HOXB3: variants seen among roughly 807,000 people sequenced by gnomAD.
The protein encoded by HOXB3 is homeobox protein Hox-B3.
In HOXB3, 17 loss-of-function variants were observed where a neutral mutation model predicts 29.2. The observed-to-expected ratio is 0.58, with a 90% CI of 0.40 to 0.87. The LOEUF is 0.87. Ranked by LOEUF, HOXB3 falls within the 40% of genes least tolerant of loss-of-function variation. HOXB3 has a pLI of 0.00. For synonymous variants in HOXB3, 317 were observed against 285.9 expected (o/e 1.11, Z -1.10); for missense variants, 637 against 616.3 (o/e 1.03, Z -0.35).
intron 1 of HOXB3, among the ~76,000 whole-genome samples, chr17:48,574,817 C>T (rs2069708891): frequency 1.3e-5 from 2 of 152,152 alleles, no homozygotes; most frequent in African/African-American, 2.4e-5. Context: ...GTCATACTTT[C>T]GATACTTTCT....
intron 2 of HOXB3, among the ~76,000 whole-genome samples, chr17:48,558,940 T>TGA (rs139226124): frequency 5.5e-4 from 82 of 148,880 alleles, no homozygotes; most frequent in Middle Eastern, 7.0e-3. Context: ...TGTGTGTGTG[T>TGA]GAGAGAGAGA....
At chr17:48,558,361 T>C (rs1038204764) in intron 2 of HOXB3, among the ~76,000 whole-genome samples, 5 of 151,482 alleles carry the variant, frequency 3.3e-5, no homozygotes, top group Admixed American at 1.3e-4. Flanking sequence ...TGGGGCATAG[T>C]GGGGTGGGAG....
chr17:48,550,998 C>G lies in HOXB3; in HGVS notation c.632G>C (p.Arg211Pro). 6.2e-7 allele frequency: 1 copy of G among 1,613,178 alleles called. No homozygotes were observed. Among genetic ancestry groups the G allele is most frequent in the Non-Finnish European group, 8.5e-7 (1 of 1,179,424 alleles). The change falls in exon 5 of 5, where the codon CGC becomes CCC. Residue 211 changes from arginine to proline, a missense_variant. Arg to Pro is a moderately radical substitution (Grantham distance 103). Transcript: ENST00000498678. ...TACACGGCGAGGCCGGCACAGGTAG[C>G]GGTTAAAATGGAACTCCTTCTCCAG... Reference protein sequence around the residue: ...VELEKEFHFNRYLCRPRRVEM... With the variant: ...VELEKEFHFNPYLCRPRRVEM...
Position 48,552,480 on chromosome 17 carries a change from GGTGAGGCCTGGGCA to G in HOXB3, c.-20_-7del. ...TAGTAGGTGGCTTTCTGCATCGCTG[GGTGAGGCCTGGGCA>G]GTGGGTGGCAACTTGGAAAGGCCTG... On this transcript the variant is annotated 5_prime_UTR_variant, in exon 4 of 5. Transcript: ENST00000498678. The G allele has an allele frequency of 6.4e-7, 1 of 1,560,244 alleles. No individual in the cohort carries two copies.
intron 1 of HOXB3, among the ~76,000 whole-genome samples, chr17:48,586,499 C>T (rs11658253): frequency 0.035 from 5,295 of 152,266 alleles, 149 homozygotes; most frequent in Non-Finnish European, 0.053. Flanking sequence ...CGGCTCGGAG[C>T]CCCACGTAGG....
intron 2 of HOXB3, among the ~76,000 whole-genome samples, chr17:48,570,943 TAGAG>T (rs748539904): frequency 1.7e-4 from 26 of 151,524 alleles, no homozygotes; most frequent in East Asian, 9.7e-4. Context: ...AAAATGAAAA[TAGAG>T]AGAGAGCAGA....
chr17:48,576,958 C>A, intron 1 of HOXB3: 1 of 1,613,966 alleles, frequency 6.2e-7, no homozygotes, highest in South Asian at 1.1e-5. Context: ...AGCTCCAAGA[C>A]CTGCTGGCGC....
At chr17:48,555,274 A>G (rs2068918421) in intron 3 of HOXB3, 4 of 541,742 alleles carry the variant, frequency 7.4e-6, no homozygotes, top group East Asian at 6.5e-5. Flanking sequence ...CTGGCTGCTG[A>G]AAGAAAAGAG....
intron 1 of HOXB3, among the ~76,000 whole-genome samples, chr17:48,584,280 G>A (rs1040485367): frequency 6.6e-6 from 1 of 152,230 alleles, no homozygotes; most frequent in Non-Finnish European, 1.5e-5. Flanking sequence ...TGGAGGCTTG[G>A]GAGAGAGTGA....
At chr17:48,577,025 A>T in intron 1 of HOXB3, 1 of 1,591,936 alleles carries the variant, frequency 6.3e-7, no homozygotes, top group Non-Finnish European at 8.6e-7. Flanking sequence ...GGTTTACTGG[A>T]CACACACGGA....
At chr17:48,577,850 C>A in intron 1 of HOXB3, 1 of 1,400,272 alleles carries the variant, frequency 7.1e-7, no homozygotes, top group Non-Finnish European at 9.3e-7. Context: ...GGAAGGGGTG[C>A]CCACGCACTC....
At position 48,550,579 on chromosome 17, in the gene HOXB3, C is replaced by G. The variant is rs746464682; in HGVS notation, c.1051G>C (p.Val351Leu). The G allele has an allele frequency of 4.6e-6, 7 of 1,528,538 alleles. No individual in the cohort carries two copies. In the South Asian group the frequency reaches 7.8e-5, roughly 17 times the overall value. The allele number at this position is 1,528,538 out of a possible 1,614,324, so 94.7% of individuals were successfully genotyped here. A position where few individuals can be genotyped will look rare whatever the true frequency, so the allele number is the denominator to read the frequency against. ...GCGTAGCCGCCCCCGCCCACGTACA[C>G]CGGACTGCCCTGCATGGTGGGCGTC... ...YGTPTMQGSP[V>L]YVGGGGYADP... Residue 351 changes from valine (V) to leucine (L), a missense_variant, in exon 5 of 5, where the codon GTG becomes CTG. Val to Leu is a conservative substitution (Grantham distance 32, BLOSUM62 1). Coordinates refer to ENST00000498678, the MANE Select transcript of HOXB3 (RefSeq NM_001384749.1).
chr17:48,577,763 T>C (rs2069812355), intron 1 of HOXB3: 1 of 1,091,480 alleles, frequency 9.2e-7, no homozygotes, highest in Non-Finnish European at 1.2e-6. Context: ...GCGGGGACAA[T>C]TGGCTTCCCC....
At chr17:48,577,118 C>T in intron 1 of HOXB3, 2 of 1,177,448 alleles carry the variant, frequency 1.7e-6, no homozygotes, top group Non-Finnish European at 2.4e-6. Flanking sequence ...CTCCCTCCCT[C>T]TCCCGCCACC....
intron 1 of HOXB3, chr17:48,579,870 C>T (rs749109017): frequency 1.3e-5 from 7 of 520,572 alleles, no homozygotes; most frequent in Non-Finnish European, 2.4e-5. Context: ...TACATATTCC[C>T]CTAGATACGA....
chr17:48,578,336 C>G, intron 1 of HOXB3: 1 of 1,600,304 alleles, frequency 6.2e-7, no homozygotes, highest in Non-Finnish European at 8.5e-7. Context: ...CTGGGAATTG[C>G]CCACAAAATA....
At chr17:48,570,238 A>C (rs770465874) in intron 2 of HOXB3, among the ~76,000 whole-genome samples, 36 of 152,184 alleles carry the variant, frequency 2.4e-4, no homozygotes, top group Non-Finnish European at 3.5e-4. Flanking sequence ...GGGACTATCT[A>C]TTCCCCAGGC....
intron 1 of HOXB3, among the ~76,000 whole-genome samples, chr17:48,588,886 T>C (rs2070095109): frequency 6.6e-6 from 1 of 152,182 alleles, no homozygotes; most frequent in African/African-American, 2.4e-5. Context: ...GGGAGTCTTA[T>C]GACCCCATCC....
At position 48,551,104 on chromosome 17, in the gene HOXB3, C is replaced by A; in HGVS notation, c.526G>T (p.Gly176Trp). Residue 176 changes from glycine to tryptophan, a missense_variant, in exon 5 of 5, where the codon GGG becomes TGG. Physicochemically the swap from Gly to Trp is radical, Grantham distance 184. Coordinates refer to ENST00000498678, the MANE Select transcript of HOXB3 (RefSeq NM_001384749.1). Reference protein sequence around the residue: ...GGSGGGGGGGGGGDKSPPGSA... With the variant: ...GGSGGGGGGGWGGDKSPPGSA... ...CCCGGGGGGCTCTTGTCCCCTCCCC[C>A]GCCGCCGCCGCCACCGCCCCCGCTG... 7.4e-7 allele frequency: 1 copy of A among 1,353,806 alleles called. No individual in the cohort carries two copies. The highest frequency in any genetic ancestry group is 9.5e-7 in the Non-Finnish European group (1 of 1,049,614). The allele number at this position is 1,353,806 out of a possible 1,614,324, so 83.9% of individuals were successfully genotyped here.
Sources: allele counts gnomAD v4.1 joint callset (sites outside exome capture counted in the v4.1 genomes callset), GRCh38; gene constraint gnomAD v4.1.1; transcripts MANE v1.5; gene names NCBI Gene and HGNC (gene_info 2026-07-23, HGNC 2026-07-21).